The following ARID1B variants were observed in gnomAD, a reference collection of about 807,000 sequenced individuals.
ARID1B encodes AT-rich interactive domain-containing protein 1B.
In ARID1B, 30 loss-of-function variants were observed where a neutral mutation model predicts 212.3. That is an observed-to-expected ratio of 0.14 (90% CI 0.11 to 0.19). ARID1B has a LOEUF of 0.19. Among genes scored for constraint, ARID1B ranks in the 10% least tolerant of loss-of-function variants. The pLI is 1.00. For missense variants in ARID1B, 2,891 were observed against 3,204.0 expected, an observed-to-expected ratio of 0.90 and a Z score of 2.36; for synonymous variants, 1,402 against 1,301.7, an observed-to-expected ratio of 1.08 and a Z score of -1.66.
chr6:156,788,867 C>T (rs145427982), intron 1 of ARID1B, among the ~76,000 whole-genome samples: 1 of 152,048 alleles, frequency 6.6e-6, no homozygotes, highest in African/African-American at 2.4e-5. Flanking sequence ...TGAACAAATA[C>T]TTACTGAGCA....
At chr6:157,069,428 C>T (rs1375905648) in intron 4 of ARID1B, among the ~76,000 whole-genome samples, 2 of 152,102 alleles carry the variant, frequency 1.3e-5, no homozygotes, top group African/African-American at 2.4e-5. Context: ...ATGATGTTTG[C>T]AACGTATTGC....
At chr6:156,926,454 T>C (rs1476647818) in intron 3 of ARID1B, among the ~76,000 whole-genome samples, 2 of 152,146 alleles carry the variant, frequency 1.3e-5, no homozygotes, top group African/African-American at 2.4e-5. Flanking sequence ...GGCATAGTTT[T>C]TCAGATGAAA....
intron 1 of ARID1B, among the ~76,000 whole-genome samples, chr6:156,801,901 G>A (rs902967290): frequency 9.2e-5 from 14 of 151,994 alleles, no homozygotes; most frequent in African/African-American, 1.4e-4. Context: ...TGTGCATTTT[G>A]GTGTGGAAAA....
intron 7 of ARID1B, among the ~76,000 whole-genome samples, chr6:157,139,280 C>T (rs919189192): frequency 3.3e-5 from 5 of 152,188 alleles, no homozygotes; most frequent in African/African-American, 1.2e-4. Flanking sequence ...ATTAAGACAG[C>T]GGTGGGTGGC....
At chr6:157,101,106 GCA>G (rs553924250) in intron 5 of ARID1B, among the ~76,000 whole-genome samples, 3 of 152,314 alleles carry the variant, frequency 2.0e-5, no homozygotes, top group African/African-American at 7.2e-5. Context: ...CAGCAGAATT[GCA>G]CAGTCAGTGG....
At chr6:157,105,419 C>T (rs1786388445) in intron 5 of ARID1B, among the ~76,000 whole-genome samples, 1 of 152,040 alleles carries the variant, frequency 6.6e-6, no homozygotes, top group Non-Finnish European at 1.5e-5. Flanking sequence ...ATACCACAGA[C>T]AAAGGGCTAA....
chr6:157,173,870 A>G, intron 9 of ARID1B, 138 bp from the exon 10 acceptor site: 2 of 674,190 alleles, frequency 3.0e-6, no homozygotes, highest in Non-Finnish European at 4.9e-6. Context: ...TATGCTCCCC[A>G]TTACAATTTC....
intron 2 of ARID1B, among the ~76,000 whole-genome samples, chr6:156,898,237 G>T (rs1788643329): frequency 6.6e-6 from 1 of 152,158 alleles, no homozygotes; most frequent in African/African-American, 2.4e-5. Context: ...CCTGCATATG[G>T]TTAAGAATGA....
intron 1 of ARID1B, chr6:156,779,833 C>G (rs1345463223): frequency 6.5e-6 from 1 of 154,326 alleles, no homozygotes; most frequent in African/African-American, 2.4e-5. Flanking sequence ...GCTTTTGTAA[C>G]AAATAGGCTC....
chr6:157,209,020 A>G lies in ARID1B; in HGVS notation c.*1129A>G, dbSNP rs1405901975. The G allele has an allele frequency of 8.7e-6, 2 of 230,528 alleles. No homozygotes were observed. Among genetic ancestry groups the G allele is most frequent in the Non-Finnish European group, 1.7e-5 (2 of 116,472 alleles). The allele number at this position is 230,528 out of a possible 1,614,324, so 14.3% of individuals were successfully genotyped here. ...ATTGATTTAGAAAATGGTTACCAGT[A>G]CAGTCAAAAAAGAGAAAATGAAAAA... is the stretch of plus-strand genomic sequence containing the variant. On this transcript the variant is annotated 3_prime_UTR_variant, in exon 20 of 20. Coordinates refer to ENST00000636930, the MANE Select transcript of ARID1B (RefSeq NM_001374828.1).
intron 8 of ARID1B, among the ~76,000 whole-genome samples, chr6:157,155,678 T>C (rs918096176): frequency 6.6e-6 from 1 of 152,226 alleles, no homozygotes; most frequent in Non-Finnish European, 1.5e-5. Flanking sequence ...GGAACTTTAG[T>C]TAAGATTATT....
At chr6:156,844,953 A>G (rs1218867932) in intron 2 of ARID1B, among the ~76,000 whole-genome samples, 5 of 152,184 alleles carry the variant, frequency 3.3e-5, no homozygotes, top group African/African-American at 9.7e-5. Flanking sequence ...TCCTCTCAAG[A>G]TGGTGGAACC....
intron 3 of ARID1B, among the ~76,000 whole-genome samples, chr6:156,924,127 G>A (rs1582958028): frequency 1.3e-5 from 2 of 152,204 alleles, no homozygotes; most frequent in Non-Finnish European, 2.9e-5. Context: ...TAGAAGGTAG[G>A]TTCCTGTATC....
intron 2 of ARID1B, among the ~76,000 whole-genome samples, chr6:156,871,016 A>G (rs1241360630): frequency 5.3e-5 from 8 of 152,244 alleles, no homozygotes; most frequent in African/African-American, 1.9e-4. Flanking sequence ...ATTTCCTAGC[A>G]TTATGCCTAA....
At chr6:156,807,176 C>T (rs1484592233) in intron 1 of ARID1B, among the ~76,000 whole-genome samples, 2 of 145,102 alleles carry the variant, frequency 1.4e-5, no homozygotes, top group Non-Finnish European at 3.0e-5. Flanking sequence ...TCTTTGTTTG[C>T]ACAACTCTTT....
At chr6:157,029,776 G>A (rs932224608) in intron 4 of ARID1B, among the ~76,000 whole-genome samples, 2 of 152,204 alleles carry the variant, frequency 1.3e-5, no homozygotes, top group East Asian at 1.9e-4. Context: ...TGGCAGGACC[G>A]AGGACCTGCA....
At chr6:156,987,784 C>T (rs1367930112) in intron 4 of ARID1B, among the ~76,000 whole-genome samples, 1 of 152,174 alleles carries the variant, frequency 6.6e-6, no homozygotes, top group Non-Finnish European at 1.5e-5. Context: ...TTGACAGGCC[C>T]CATTAGCCCT....
chr6:157,009,036 G>A (rs185210229), intron 4 of ARID1B, among the ~76,000 whole-genome samples: 4 of 152,186 alleles, frequency 2.6e-5, no homozygotes, highest in South Asian at 4.2e-4. Context: ...TAAAATAATC[G>A]GCTTCTTTGT....
At chr6:156,821,989 C>G (rs185349848) in intron 1 of ARID1B, among the ~76,000 whole-genome samples, 1 of 152,142 alleles carries the variant, frequency 6.6e-6, no homozygotes, top group East Asian at 1.9e-4. Context: ...ACAAAACAAC[C>G]TTTTCTGCCT....
Sources: gnomAD v4.1 joint callset for allele counts (sites outside exome capture counted in the v4.1 genomes callset) on GRCh38, gnomAD v4.1.1 for gene constraint, MANE v1.5 for transcripts, NCBI Gene and HGNC (gene_info 2026-07-23, HGNC 2026-07-21) for gene names.